MCCC1: variants seen among roughly 807,000 people sequenced by gnomAD.
MCCC1 encodes the protein methylcrotonoyl-CoA carboxylase subunit alpha, mitochondrial.
A neutral mutation model predicts 83.8 loss-of-function variants in MCCC1; 64 were observed. The ratio of observed to expected loss-of-function variants is 0.76; its 90% CI spans 0.62 to 0.94. MCCC1 has a LOEUF of 0.94. Ranked by LOEUF, MCCC1 falls within the 40% of genes least tolerant of loss-of-function variation. The pLI is 0.00. For missense variants in MCCC1, 807 were observed against 904.7 expected (o/e 0.89, Z 1.39); for synonymous variants, 322 against 315.4 (o/e 1.02, Z -0.22).
At chr3:183,113,087 G>A (rs1012101130) in intron 1 of MCCC1, among the ~76,000 whole-genome samples, 1 of 151,818 alleles carries the variant, frequency 6.6e-6, no homozygotes, top group African/African-American at 2.4e-5. Flanking sequence ...AGCTGGGCGT[G>A]GTAGTGGGCG....
intron 1 of MCCC1, among the ~76,000 whole-genome samples, chr3:183,111,262 C>T (rs1472635420): frequency 6.6e-6 from 1 of 152,146 alleles, no homozygotes; most frequent in Non-Finnish European, 1.5e-5. Context: ...TGTTACCTTA[C>T]AGGGTCATTG....
chr3:183,099,508 G>T, upstream of MCCC1: 1 of 1,536,308 alleles, frequency 6.5e-7, no homozygotes, highest in Non-Finnish European at 8.8e-7. Context: ...CGCCAAACCC[G>T]TTCCTCCACT....
upstream of MCCC1, among the ~76,000 whole-genome samples, chr3:183,100,714 T>C (rs1207626755): frequency 1.3e-5 from 2 of 151,588 alleles, no homozygotes; most frequent in African/African-American, 4.8e-5. Flanking sequence ...TAACCCCCCA[T>C]TGAGATGTGA....
chr3:183,052,894 T>A (rs1274979988), intron 8 of MCCC1, among the ~76,000 whole-genome samples: 3 of 151,842 alleles, frequency 2.0e-5, no homozygotes, highest in Admixed American at 6.6e-5. Flanking sequence ...ATTGTTTTTT[T>A]AATTTACTAT....
intron 7 of MCCC1, among the ~76,000 whole-genome samples, chr3:183,069,523 T>C (rs995709501): frequency 6.6e-6 from 1 of 152,114 alleles, no homozygotes; most frequent in African/African-American, 2.4e-5. Context: ...TACTATGCCA[T>C]GCTCAGGACA....
chr3:183,050,090 C>T (rs1053012361), intron 9 of MCCC1, among the ~76,000 whole-genome samples: 4 of 151,598 alleles, frequency 2.6e-5, no homozygotes, highest in South Asian at 2.1e-4. Flanking sequence ...TGGTGGCTCA[C>T]GCCTGTAATC....
chr3:183,101,059 T>C (rs1719236141), upstream of MCCC1, among the ~76,000 whole-genome samples: 1 of 152,120 alleles, frequency 6.6e-6, no homozygotes, highest in African/African-American at 2.4e-5. Context: ...CTGCGGAGGG[T>C]GTACTGAGTC....
intron 10 of MCCC1, among the ~76,000 whole-genome samples, chr3:183,044,728 C>T (rs1453299189): frequency 2.6e-5 from 4 of 152,094 alleles, no homozygotes; most frequent in African/African-American, 9.6e-5. Context: ...GCTGGCTGCC[C>T]GGGCCTAGGG....
chr3:183,099,519 A>G (rs1719006874), upstream of MCCC1: 1 of 1,520,214 alleles, frequency 6.6e-7, no homozygotes. Flanking sequence ...TTCCTCCACT[A>G]CGAAGCCTCG....
upstream of MCCC1, among the ~76,000 whole-genome samples, chr3:183,100,017 C>T (rs1209230697): frequency 6.6e-6 from 1 of 152,062 alleles, no homozygotes; most frequent in Non-Finnish European, 1.5e-5. Flanking sequence ...ACTGTAAACA[C>T]TACATGTAGA....
At chr3:183,058,777 C>T (rs563995722) in intron 7 of MCCC1, among the ~76,000 whole-genome samples, 19 of 152,164 alleles carry the variant, frequency 1.2e-4, no homozygotes, top group East Asian at 3.9e-4. Flanking sequence ...AAATTCTTCT[C>T]GGTAGGTTTG....
chr3:183,056,698 GTT>G (rs1169644275), intron 8 of MCCC1, among the ~76,000 whole-genome samples: 1 of 152,038 alleles, frequency 6.6e-6, no homozygotes, highest in Admixed American at 6.6e-5. Context: ...ATAATTTTCT[GTT>G]TTTTTGTTTG....
chr3:183,074,341 T>C (rs181128608), intron 4 of MCCC1, among the ~76,000 whole-genome samples: 2 of 152,248 alleles, frequency 1.3e-5, no homozygotes, highest in Admixed American at 1.3e-4. Flanking sequence ...GTAAACACGC[T>C]GACAGCAAAA....
At chr3:183,114,397 G>A (rs1164412059) in intron 1 of MCCC1, among the ~76,000 whole-genome samples, 2 of 152,046 alleles carry the variant, frequency 1.3e-5, no homozygotes, top group African/African-American at 4.8e-5. Context: ...GCTAATAAAG[G>A]ACTTTTAATT....
intron 8 of MCCC1, among the ~76,000 whole-genome samples, chr3:183,055,654 G>C (rs1715363478): frequency 6.6e-6 from 1 of 152,076 alleles, no homozygotes; most frequent in Non-Finnish European, 1.5e-5. Context: ...CCAAGTGCTT[G>C]GGAGGCTGAG....
chr3:183,089,991 A>C (rs1718199341), intron 3 of MCCC1, among the ~76,000 whole-genome samples: 1 of 152,200 alleles, frequency 6.6e-6, no homozygotes, highest in East Asian at 1.9e-4. Context: ...CTGGACTAAA[A>C]ATAGAAATTT....
intron 14 of MCCC1, among the ~76,000 whole-genome samples, chr3:183,031,808 CT>C (rs36037059): frequency 0.88 from 123,341 of 140,574 alleles, 54,382 homozygotes; most frequent in East Asian, 0.98. Flanking sequence ...CTTCTGGTAT[CT>C]TTTTTTTTTT....
chr3:183,034,665 T>C (rs889492956), intron 13 of MCCC1, among the ~76,000 whole-genome samples: 1 of 152,174 alleles, frequency 6.6e-6, no homozygotes, highest in African/African-American at 2.4e-5. Context: ...CACCACCTTT[T>C]GATGGGGCAA....
upstream of MCCC1, among the ~76,000 whole-genome samples, chr3:183,099,927 T>G (rs1459245094): frequency 6.6e-6 from 1 of 152,164 alleles, no homozygotes; most frequent in Admixed American, 6.5e-5. Flanking sequence ...CCACCTGAGC[T>G]TAAAACAGGT....
Sources: allele counts gnomAD v4.1 joint callset (sites outside exome capture counted in the v4.1 genomes callset), GRCh38; gene constraint gnomAD v4.1.1; transcripts MANE v1.5; gene names NCBI Gene and HGNC (gene_info 2026-07-23, HGNC 2026-07-21).